Variants in SPAG9 observed in about 807,000 individuals in gnomAD.
The protein encoded by SPAG9 is C-Jun-amino-terminal kinase-interacting protein 4.
A neutral mutation model predicts 166.5 loss-of-function variants in SPAG9; 35 were observed. The observed-to-expected ratio is 0.21, with a 90% CI of 0.16 to 0.28. SPAG9 has a LOEUF of 0.28. SPAG9 is among the 10% of genes least tolerant of loss of function. SPAG9 has a pLI of 1.00. For synonymous variants in SPAG9, 534 were observed against 565.5 expected (o/e 0.94, Z 0.79); for missense variants, 1,235 against 1,603.3 (o/e 0.77, Z 3.92).
In SPAG9 at chr17:50,980,580, A is replaced by C. The variant is rs558833445; in HGVS notation, c.3238-663T>G. On this transcript the variant is annotated intron_variant, in intron 25 of 29. Transcript: ENST00000262013. ...TTGAAATAAGATCACAATTATAATT[A>C]ATCAGGCTGGGCGCTGGTGGCTCAC... 4.0e-5 allele frequency among the ~76,000 whole-genome samples: 6 copies of C among 151,710 alleles called. No homozygotes were observed. In the East Asian group the frequency reaches 9.9e-4, roughly 25 times the overall value.
Position 50,996,552 on chromosome 17 carries a change from A to G in SPAG9, c.1968+13T>C. The G allele has an allele frequency of 6.2e-7, 1 of 1,613,944 alleles. No homozygotes were observed. The highest frequency in any genetic ancestry group is 1.3e-5 in the African/African-American group (1 of 75,010). ...CTTTCCTGCTGGATGCTCTTACCAC[A>G]TGTGCATATTACCTGTTTGTACTTC... is the stretch of plus-strand genomic sequence containing the variant. On this transcript the variant is annotated intron_variant, in intron 16 of 29. Transcript: ENST00000262013.
At chr17:51,082,869 T>G (rs1053016478) in intron 1 of SPAG9, among the ~76,000 whole-genome samples, 3 of 152,164 alleles carry the variant, frequency 2.0e-5, no homozygotes, top group Non-Finnish European at 4.4e-5. Flanking sequence ...TCTCTCCAGT[T>G]TCATGCTAAG....
At chr17:51,112,436 G>C (rs892760044) in intron 1 of SPAG9, among the ~76,000 whole-genome samples, 1 of 151,116 alleles carries the variant, frequency 6.6e-6, no homozygotes, top group African/African-American at 2.4e-5. Context: ...ACTTTGGGAG[G>C]CTGGGGCAGG....
Position 50,998,602 on chromosome 17 carries a change from G to A in SPAG9, c.1680C>T (p.Phe560=), listed in dbSNP as rs1013353745. 9.9e-6 allele frequency: 16 copies of A among 1,613,920 alleles called. No individual in the cohort carries two copies. The highest frequency in any genetic ancestry group is 2.5e-6 in the Non-Finnish European group (3 of 1,179,954). The part of the protein sequence containing the change: ...SSIWQFFSRL[F]SSSSNTTKKP... ...TCTTAGTCGTGTTACTTGAGGAGCT[G>A]AAAAGTCGGCTGAAACTAAAAGAAG... The change falls in exon 15 of 30, where the codon TTC becomes TTT. Residue 560 remains phenylalanine, a synonymous_variant. Transcript: ENST00000262013.
chr17:50,969,161 G>C (rs960719541), intron 29 of SPAG9, among the ~76,000 whole-genome samples: 1 of 151,974 alleles, frequency 6.6e-6, no homozygotes, highest in Non-Finnish European at 1.5e-5. Flanking sequence ...AGCTCCTTGG[G>C]CGAACTCACC....
At chr17:51,037,298 C>T (rs939978422) in intron 5 of SPAG9, among the ~76,000 whole-genome samples, 2 of 151,828 alleles carry the variant, frequency 1.3e-5, no homozygotes, top group African/African-American at 4.8e-5. Context: ...GAGACAGAGT[C>T]GCTTGACACT....
At chr17:51,094,030 ATAGG>A (rs1388260267) in intron 1 of SPAG9, among the ~76,000 whole-genome samples, 1 of 152,172 alleles carries the variant, frequency 6.6e-6, no homozygotes, top group Non-Finnish European at 1.5e-5. Context: ...CTAAACAGTA[ATAGG>A]GCCTCCTTCC....
chr17:51,111,037 A>C (rs1054180024), intron 1 of SPAG9, among the ~76,000 whole-genome samples: 1 of 151,764 alleles, frequency 6.6e-6, no homozygotes, highest in African/African-American at 2.4e-5. Context: ...AATCGCTTGA[A>C]TCCAGGAGGC....
chr17:50,997,537 T>C (rs903302800), intron 15 of SPAG9, among the ~76,000 whole-genome samples: 1 of 152,252 alleles, frequency 6.6e-6, no homozygotes, highest in Non-Finnish European at 1.5e-5. Flanking sequence ...AGGTAAAATA[T>C]TATTAAAATG....
chr17:51,066,249 T>C (rs976881443), intron 2 of SPAG9, among the ~76,000 whole-genome samples: 6 of 151,902 alleles, frequency 3.9e-5, no homozygotes, highest in Admixed American at 1.3e-4. Flanking sequence ...CAGTTGGCAC[T>C]ACAGGCGTGT....
intron 6 of SPAG9, among the ~76,000 whole-genome samples, chr17:51,021,654 T>C (rs1444551588): frequency 6.6e-6 from 1 of 152,192 alleles, no homozygotes; most frequent in Admixed American, 6.5e-5. Flanking sequence ...ATATCATTCT[T>C]AATGGCAATT....
intron 1 of SPAG9, among the ~76,000 whole-genome samples, chr17:51,116,094 G>A (rs986260887): frequency 6.6e-6 from 1 of 151,630 alleles, no homozygotes; most frequent in Non-Finnish European, 1.5e-5. Context: ...TGCCCAGGCT[G>A]GAGTACAGAG....
At chr17:50,973,387 G>C (rs1973968573) in intron 28 of SPAG9, among the ~76,000 whole-genome samples, 1 of 151,940 alleles carries the variant, frequency 6.6e-6, no homozygotes, top group Non-Finnish European at 1.5e-5. Flanking sequence ...TTTTAAGCAA[G>C]AGAAACACTG....
rs767804450 is a variant in SPAG9 at position 51,021,339 on chromosome 17, G to A, written c.810C>T (p.Gly270=). 15 of 1,612,606 alleles carry A rather than the reference G, an allele frequency of 9.3e-6. No individual in the cohort carries two copies. The East Asian group carries it at 1.6e-4, about 17-fold the overall frequency. ...QEDELSDVSQ[G]GSKATTPAST... ...ATGCTGGAGTGGTAGCTTTAGATCC[G>A]CCTTGGCTAACATCAGAAAGCTCAT... is the stretch of plus-strand genomic sequence containing the variant. Residue 270 remains glycine (G), a synonymous_variant, in exon 7 of 30, where the codon GGC becomes GGT. Transcript: ENST00000262013.
At chr17:50,989,468 T>A (rs1422570915) in intron 21 of SPAG9, 4 of 597,638 alleles carry the variant, frequency 6.7e-6, no homozygotes, top group African/African-American at 3.7e-5. Flanking sequence ...ATTTTTTTTT[T>A]AAATTGGAAG....
chr17:50,991,608 T>C (rs955544480), intron 19 of SPAG9, among the ~76,000 whole-genome samples: 4 of 151,856 alleles, frequency 2.6e-5, no homozygotes, highest in East Asian at 3.9e-4. Context: ...ATTTATAACA[T>C]TGTGTAGCCA....
intron 5 of SPAG9, among the ~76,000 whole-genome samples, chr17:51,039,535 C>G (rs1290020225): frequency 6.6e-6 from 1 of 152,120 alleles, no homozygotes; most frequent in Non-Finnish European, 1.5e-5. Flanking sequence ...GGCTCCAGTT[C>G]CAGACCAAGT....
intron 29 of SPAG9, among the ~76,000 whole-genome samples, chr17:50,969,089 C>T (rs951508703): frequency 4.6e-5 from 7 of 152,022 alleles, no homozygotes; most frequent in Admixed American, 1.3e-4. Context: ...CACGGCATCA[C>T]GCTCAGCTAA....
chr17:51,064,471 T>C (rs777226307), intron 2 of SPAG9, among the ~76,000 whole-genome samples: 1 of 152,262 alleles, frequency 6.6e-6, no homozygotes, highest in Non-Finnish European at 1.5e-5. Flanking sequence ...ATATAGGCAA[T>C]TGAAATGGGG....
Sources: allele counts gnomAD v4.1 joint callset (sites outside exome capture counted in the v4.1 genomes callset), GRCh38; gene constraint gnomAD v4.1.1; transcripts MANE v1.5; gene names NCBI Gene and HGNC (gene_info 2026-07-23, HGNC 2026-07-21).